MREG: variants seen among roughly 807,000 people sequenced by gnomAD.
MREG encodes the protein melanoregulin.
In MREG, 31 loss-of-function variants were observed where a neutral mutation model predicts 28.5. That is an observed-to-expected ratio of 1.09 (90% confidence interval 0.82 to 1.47). MREG has a LOEUF of 1.47. Among genes scored for constraint, MREG ranks in the 40% most tolerant of loss-of-function variants. The pLI, the probability that MREG is intolerant of heterozygous loss-of-function variation, is 0.00. For missense variants in MREG, 256 were observed against 257.4 expected, an observed-to-expected ratio of 0.99 and a Z score of 0.04; for synonymous variants, 106 against 95.2, an observed-to-expected ratio of 1.11 and a Z score of -0.66.
Position 215,996,198 on chromosome 2 carries a change from C to T in MREG, c.255+108G>A, listed in dbSNP as rs1559191913. 19 of 1,203,670 alleles carry T rather than the reference C, an allele frequency of 1.6e-5. No homozygotes were observed. The Admixed American group carries it at 4.8e-4, about 30-fold the overall frequency. The allele number at this position is 1,203,670 out of a possible 1,614,324, so 74.6% of individuals were successfully genotyped here. ...TAAAATACCTGCCCTTCATTTCAAA[C>T]ATTTCATCCTTCATTCTTTTTGTTA... On this transcript the variant is annotated intron_variant, in intron 2 of 4. Transcript: ENST00000263268.
At chr2:215,955,281 G>GC (rs1197919170) in intron 2 of MREG, among the ~76,000 whole-genome samples, 3 of 151,992 alleles carry the variant, frequency 2.0e-5, no homozygotes, top group Non-Finnish European at 2.9e-5. Context: ...TGTAGAAAAT[G>GC]CCCCCCCATA....
intron 2 of MREG, among the ~76,000 whole-genome samples, chr2:215,950,334 T>C (rs778825723): frequency 2.0e-5 from 3 of 152,240 alleles, no homozygotes; most frequent in Non-Finnish European, 4.4e-5. Flanking sequence ...GTCCATCGAT[T>C]AGTCATTTTG....
At chr2:216,004,244 C>T (rs1254484572) in intron 1 of MREG, among the ~76,000 whole-genome samples, 1 of 152,186 alleles carries the variant, frequency 6.6e-6, no homozygotes, top group Admixed American at 6.5e-5. Context: ...CCTGACCAAC[C>T]TATTTAAAAT....
At chr2:216,015,140 T>TGCGCGCATGTGTGCGCGCGTGCGG (rs55809422), upstream of MREG, among the ~76,000 whole-genome samples, 4,142 of 151,692 alleles carry the variant, frequency 0.027, 148 homozygotes, top group African/African-American at 0.085. Flanking sequence ...CGCGCGTGCG[T>TGCGCGCATGTGTGCGCGCGTGCGG]CTGTGCGTGC....
upstream of MREG, among the ~76,000 whole-genome samples, chr2:216,015,122 T>TGTGTGTGCGCGCGTGCATGTGCGCGC (rs1306351502): frequency 3.8e-5 from 2 of 52,504 alleles, no homozygotes; most frequent in African/African-American, 3.0e-4. Flanking sequence ...TGTGCACGCG[T>TGTGTGTGCGCGCGTGCATGTGCGCGC]GTGTGTGCGC....
intron 1 of MREG, among the ~76,000 whole-genome samples, chr2:216,028,163 T>C (rs900901645): frequency 6.6e-6 from 1 of 152,130 alleles, no homozygotes; most frequent in Non-Finnish European, 1.5e-5. Context: ...ATAAATGACA[T>C]GTATAGTGTG....
At chr2:216,012,743 A>AT (rs1694345751) in intron 1 of MREG, among the ~76,000 whole-genome samples, 1 of 152,240 alleles carries the variant, frequency 6.6e-6, no homozygotes, top group African/African-American at 2.4e-5. Context: ...TGAAACATGC[A>AT]TTTTTTTCAT....
rs869228880 is a variant in MREG, at chr2:215,949,087, C to CTACTACTAA, written c.256-1975_256-1974insTTAGTAGTA. 1.6e-3 allele frequency among the ~76,000 whole-genome samples: 202 copies of CTACTACTAA among 124,572 alleles called. 2 individuals carry two copies. The highest frequency in any genetic ancestry group is 4.0e-3 in the Middle Eastern group (1 of 252). 81.7% of individuals were successfully genotyped at this position (124,572 alleles called of 152,430 possible). A position where few individuals can be genotyped will look rare whatever the true frequency, so the allele number is the denominator to read the frequency against. ...ACTACTACTACTACTACTACTACTA[C>CTACTACTAA]TAATAATAATAATAATAATACAAAA... On this transcript the variant is annotated intron_variant, in intron 2 of 4. Coordinates refer to ENST00000263268, the MANE Select transcript of MREG (RefSeq NM_018000.3).
intron 2 of MREG, among the ~76,000 whole-genome samples, chr2:215,982,347 A>AT (rs1263671023): frequency 7.9e-5 from 12 of 151,590 alleles, no homozygotes; most frequent in Non-Finnish European, 1.8e-4. Flanking sequence ...AAAAAAAAAA[A>AT]AGAAAAGAAA....
chr2:215,998,605 C>T (rs150422627), intron 1 of MREG, among the ~76,000 whole-genome samples: 19 of 152,250 alleles, frequency 1.2e-4, no homozygotes, highest in African/African-American at 4.1e-4. Flanking sequence ...CTCAGAACCA[C>T]GCTGTTTTTA....
intron 2 of MREG, among the ~76,000 whole-genome samples, chr2:215,983,709 T>G (rs774295454): frequency 1.3e-5 from 2 of 152,164 alleles, no homozygotes; most frequent in Non-Finnish European, 2.9e-5. Flanking sequence ...AAAATAAAAT[T>G]TAGCTGCTCC....
intron 1 of MREG, among the ~76,000 whole-genome samples, chr2:216,023,675 A>AGT (rs774254005): frequency 9.2e-5 from 14 of 151,788 alleles, no homozygotes; most frequent in East Asian, 1.9e-4. Flanking sequence ...TATTTCTCTG[A>AGT]GTGTGTGTGT....
chr2:215,942,107 A>G (rs1692204542), downstream of MREG, among the ~76,000 whole-genome samples: 1 of 152,172 alleles, frequency 6.6e-6, no homozygotes, highest in South Asian at 2.1e-4. Context: ...CAACACATCC[A>G]TGAACTGTAA....
intron 1 of MREG, among the ~76,000 whole-genome samples, chr2:216,029,454 CGA>C (rs753576885): frequency 9.4e-5 from 12 of 126,988 alleles, no homozygotes; most frequent in African/African-American, 3.5e-4. Context: ...CTCCGCCTGG[CGA>C]GAGAGTGAGA....
At chr2:215,970,558 A>G (rs964323757) in intron 2 of MREG, among the ~76,000 whole-genome samples, 3 of 152,198 alleles carry the variant, frequency 2.0e-5, no homozygotes, top group African/African-American at 7.2e-5. Context: ...CCTCTCTAAC[A>G]AGAGTCTCTT....
chr2:216,012,125 A>T (rs970547863), intron 1 of MREG, among the ~76,000 whole-genome samples: 1 of 152,210 alleles, frequency 6.6e-6, no homozygotes, highest in Non-Finnish European at 1.5e-5. Context: ...AAGATGGATA[A>T]GGGCAAAGTA....
chr2:215,993,961 G>GAAGAGGGCTTTGTCGTTCATGTTCC (rs1559190718), intron 2 of MREG, among the ~76,000 whole-genome samples: 1 of 152,094 alleles, frequency 6.6e-6, no homozygotes, highest in African/African-American at 2.4e-5. Flanking sequence ...TACACTGTTG[G>GAAGAGGGCTTTGTCGTTCATGTTCC]TGGGAGTGTA....
chr2:216,004,509 A>C (rs1256813469), intron 1 of MREG, among the ~76,000 whole-genome samples: 1 of 151,058 alleles, frequency 6.6e-6, no homozygotes, highest in Non-Finnish European at 1.5e-5. Context: ...ATGCCAATGC[A>C]CTCCAGCCTA....
chr2:216,012,581 G>T (rs1461123266), intron 1 of MREG, among the ~76,000 whole-genome samples: 2 of 152,292 alleles, frequency 1.3e-5, no homozygotes, highest in East Asian at 3.9e-4. Context: ...GATAGAAAAT[G>T]ATTGCTTAAA....
Sources: allele counts gnomAD v4.1 joint callset (sites outside exome capture counted in the v4.1 genomes callset), GRCh38; gene constraint gnomAD v4.1.1; transcripts MANE v1.5; gene names NCBI Gene and HGNC (gene_info 2026-07-23, HGNC 2026-07-21).